ASCC1: variants seen among roughly 807,000 people sequenced by gnomAD.
ASCC1 encodes ASC-1 complex subunit P50.
Under a neutral mutation model 46.6 loss-of-function variants are expected in ASCC1, and 35 were observed. That is an observed-to-expected ratio of 0.75 (90% CI 0.57 to 0.99). The LOEUF (loss-of-function observed/expected upper bound fraction) is 0.99. Ranked by LOEUF, ASCC1 falls within the 50% of genes least tolerant of loss-of-function variation. The pLI, the probability that ASCC1 is intolerant of heterozygous loss-of-function variation, is 0.00. For synonymous variants in ASCC1, 143 were observed against 146.6 expected (o/e 0.98, Z 0.18); for missense variants, 376 against 428.7 (o/e 0.88, Z 1.09).
At chr10:72,170,243 G>T (rs1017021817) in intron 5 of ASCC1, among the ~76,000 whole-genome samples, 1 of 152,108 alleles carries the variant, frequency 6.6e-6, no homozygotes, top group Non-Finnish European at 1.5e-5. Flanking sequence ...CTTATCGGTT[G>T]AAAGGTAAAA....
At chr10:72,189,351 T>C (rs1344255736) in intron 5 of ASCC1, among the ~76,000 whole-genome samples, 2 of 151,254 alleles carry the variant, frequency 1.3e-5, no homozygotes, top group Admixed American at 1.3e-4. Flanking sequence ...GAGCTTGCAG[T>C]AAGCAGAGAT....
rs7910721 is a variant in ASCC1 at position 72,138,797 on chromosome 10, C to G, written c.747-5616G>C. Among the ~76,000 whole-genome samples, 327 of 152,132 alleles carry G rather than the reference C, an allele frequency of 2.1e-3. 2 individuals are homozygous for G. The highest frequency in any genetic ancestry group is 7.3e-3 in the African/African-American group (302 of 41,494). The stretch of plus-strand genomic sequence containing the variant: ...ATGTTGGGCAGGCTGATCCACTGAC[C>G]TCAGGTGATCTGCTGGCCTTGGCCT... On this transcript the variant is annotated intron_variant, in intron 7 of 9. Transcript: ENST00000672957.
chr10:72,189,902 C>T (rs1854145863), intron 5 of ASCC1: 1 of 636,362 alleles, frequency 1.6e-6, no homozygotes, highest in Non-Finnish European at 2.8e-6. Context: ...TAAGAAAGTA[C>T]AGCCTTTCTG....
Position 72,213,180 on chromosome 10 carries a change from G to T in ASCC1, c.112+7C>A. 1 of 1,587,358 alleles carries T rather than the reference G, an allele frequency of 6.3e-7. No individual in the cohort carries two copies. The highest frequency in any genetic ancestry group is 8.6e-7 in the Non-Finnish European group (1 of 1,156,266). On this transcript the variant is annotated splice_region_variant and intron_variant, in intron 2 of 9. Coordinates refer to ENST00000672957, the MANE Select transcript of ASCC1 (RefSeq NM_001198800.3). The stretch of plus-strand genomic sequence containing the variant: ...TTCTTATCTGACCAAAGAGCAACTA[G>T]GATTACCTTGATAGAAGTCCTCTTC...
At chr10:72,211,557 CCAGAA>C (rs1858114120) in intron 2 of ASCC1, among the ~76,000 whole-genome samples, 4 of 151,934 alleles carry the variant, frequency 2.6e-5, no homozygotes, top group Admixed American at 6.6e-5. Context: ...CCACTGCACT[CCAGAA>C]TGCGCTTGTC....
At chr10:72,182,371 G>A (rs747972235) in intron 5 of ASCC1, among the ~76,000 whole-genome samples, 3 of 152,130 alleles carry the variant, frequency 2.0e-5, no homozygotes, top group African/African-American at 4.8e-5. Flanking sequence ...TCAGGATGGA[G>A]CAAAAATAGA....
chr10:72,204,546 A>T (rs1229149249), intron 3 of ASCC1: 1 of 1,548,144 alleles, frequency 6.5e-7, no homozygotes, highest in East Asian at 2.4e-5. Flanking sequence ...TCTATAAAGC[A>T]CTAAGAGGCC....
At position 72,180,975 on chromosome 10, in the gene ASCC1, T is replaced by C. The variant is rs534461070; in HGVS notation, c.489+15836A>G. ...AAAAGCATTATTCTATTCATTTGCC[T>C]TTTTTTTTGGAGACAGAGTCTCACT... On this transcript the variant is annotated intron_variant, in intron 5 of 9. Transcript: ENST00000672957. 23 of 166,182 alleles carry C rather than the reference T, an allele frequency of 1.4e-4. No homozygotes were observed. In the South Asian group the frequency reaches 3.7e-3, roughly 27 times the overall value. 10.3% of individuals were successfully genotyped at this position (166,182 alleles called of 1,614,324 possible).
intron 5 of ASCC1, among the ~76,000 whole-genome samples, chr10:72,187,085 A>G (rs1853570081): frequency 6.6e-6 from 1 of 152,136 alleles, no homozygotes; most frequent in African/African-American, 2.4e-5. Context: ...TTCAAAACTT[A>G]GCCCCTACTC....
chr10:72,193,325 GAC>G (rs2133216162), intron 5 of ASCC1, among the ~76,000 whole-genome samples: 1 of 152,236 alleles, frequency 6.6e-6, no homozygotes, highest in African/African-American at 2.4e-5. Context: ...AAACTCCTGA[GAC>G]ACACACAACT....
At chr10:72,161,164 C>T (rs1849648789) in intron 6 of ASCC1, among the ~76,000 whole-genome samples, 1 of 149,834 alleles carries the variant, frequency 6.7e-6, no homozygotes, top group South Asian at 2.1e-4. Flanking sequence ...ATAATGTTTG[C>T]ACTCCAGCCT....
chr10:72,104,289 T>A lies in ASCC1; in HGVS notation c.958-6839A>T, dbSNP rs542323186. ...GAAATGAACATGTTCTTTCACTTGCTGTTCCTATATTCACTGCCACTGCTT... is the reference window on the plus strand; with the variant it reads ...GAAATGAACATGTTCTTTCACTTGCAGTTCCTATATTCACTGCCACTGCTT... On this transcript the variant is annotated intron_variant, in intron 9 of 9. Transcript: ENST00000672957. Among the ~76,000 whole-genome samples the A allele has an allele frequency of 3.5e-4, 54 of 152,328 alleles. 2 individuals are homozygous for A. The highest frequency in any genetic ancestry group is 8.8e-5 in the Non-Finnish European group (6 of 68,022).
chr10:72,131,065 A>G (rs1845522575), intron 8 of ASCC1, among the ~76,000 whole-genome samples: 1 of 152,226 alleles, frequency 6.6e-6, no homozygotes, highest in African/African-American at 2.4e-5. Context: ...AAGCTGCATT[A>G]TAATACATAG....
chr10:72,149,437 C>CA (rs11297879), intron 7 of ASCC1, among the ~76,000 whole-genome samples: 1,149 of 52,700 alleles, frequency 0.022, 204 homozygotes, highest in South Asian at 0.081. Flanking sequence ...GACTCCGTCA[C>CA]AAAAAAAAAA....
chr10:72,099,386 G>C (rs1024809610), intron 9 of ASCC1, among the ~76,000 whole-genome samples: 1 of 152,214 alleles, frequency 6.6e-6, no homozygotes, highest in African/African-American at 2.4e-5. Flanking sequence ...CATCCACTAA[G>C]GCAAGAGCAG....
chr10:72,107,184 G>A (rs1310051047), intron 9 of ASCC1, among the ~76,000 whole-genome samples: 1 of 148,656 alleles, frequency 6.7e-6, no homozygotes, highest in African/African-American at 2.5e-5. Context: ...AAATATAATC[G>A]ATTTTGAAAA....
chr10:72,132,555 T>C (rs991676770), intron 8 of ASCC1, among the ~76,000 whole-genome samples: 1 of 152,038 alleles, frequency 6.6e-6, no homozygotes, highest in African/African-American at 2.4e-5. Flanking sequence ...CATTGTAGAG[T>C]GTTAGACAGC....
At chr10:72,139,414 C>T (rs1160866194) in intron 7 of ASCC1, among the ~76,000 whole-genome samples, 2 of 152,174 alleles carry the variant, frequency 1.3e-5, no homozygotes, top group Non-Finnish European at 2.9e-5. Flanking sequence ...GGCACCCAGC[C>T]ATTTCTAACA....
intron 2 of ASCC1, among the ~76,000 whole-genome samples, chr10:72,211,275 T>C (rs1858065956): frequency 6.6e-6 from 1 of 152,222 alleles, no homozygotes; most frequent in Admixed American, 6.5e-5. Flanking sequence ...AATCTCTTAC[T>C]GTGCCTGATT....
Sources: allele counts gnomAD v4.1 joint callset (sites outside exome capture counted in the v4.1 genomes callset), GRCh38; gene constraint gnomAD v4.1.1; transcripts MANE v1.5; gene names NCBI Gene and HGNC (gene_info 2026-07-23, HGNC 2026-07-21).